ENDOV: variants seen among roughly 807,000 people sequenced by gnomAD.
ENDOV encodes the protein hEndoV.
ENDOV carries 37 observed loss-of-function variants against 39.4 expected under a neutral mutation model. That is an observed-to-expected ratio of 0.94 (90% confidence interval 0.72 to 1.23). ENDOV has a LOEUF of 1.23. Among genes scored for constraint, ENDOV ranks in the 50% most tolerant of loss-of-function variants. ENDOV has a pLI of 0.00. For missense variants in ENDOV, 441 were observed against 375.7 expected, an observed-to-expected ratio of 1.17 and a Z score of -1.44; for synonymous variants, 186 against 163.4, an observed-to-expected ratio of 1.14 and a Z score of -1.05.
chr17:80,430,474 C>T (rs1225918019), intron 9 of ENDOV: 16 of 978,472 alleles, frequency 1.6e-5, no homozygotes, highest in Non-Finnish European at 2.1e-5. Context: ...GCCCCAGCCA[C>T]ACTGAACCAC....
At chr17:80,432,369 C>T (rs962170183) in intron 9 of ENDOV, among the ~76,000 whole-genome samples, 3 of 152,090 alleles carry the variant, frequency 2.0e-5, no homozygotes, top group Non-Finnish European at 2.9e-5. Context: ...CAAGGATCTG[C>T]CTCCCAGCAC....
chr17:80,434,607 T>C (rs559490029), intron 9 of ENDOV, among the ~76,000 whole-genome samples: 4 of 152,300 alleles, frequency 2.6e-5, no homozygotes, highest in Admixed American at 2.6e-4. Flanking sequence ...CACCACTTGC[T>C]ATTATCTGCC....
intron 2 of ENDOV, chr17:80,419,580 G>A (rs949414151): frequency 1.3e-5 from 9 of 702,686 alleles, no homozygotes; most frequent in African/African-American, 5.2e-5. Flanking sequence ...GACTCCCATC[G>A]ATCAGTTCTG....
Position 80,415,171 on chromosome 17 carries a change from G to A in ENDOV, c.-24G>A, listed in dbSNP as rs761206954. 3.2e-5 allele frequency: 52 copies of A among 1,611,756 alleles called. No homozygotes were observed. The highest frequency in any genetic ancestry group is 1.3e-4 in the East Asian group (6 of 44,846). On this transcript the variant is annotated 5_prime_UTR_variant, in exon 1 of 10. Coordinates refer to ENST00000518137, the MANE Select transcript of ENDOV (RefSeq NM_173627.5). ...CGAGTCGCTTCCGGAAGTGACGTGC[G>A]GAAGGGGTGCCCGGGACGAAGCCAT...
intron 7 of ENDOV, 35 bp downstream of exon 7, chr17:80,425,655 G>C: frequency 1.3e-6 from 2 of 1,547,004 alleles, no homozygotes; most frequent in Non-Finnish European, 1.7e-6. Context: ...GGCAGCACAG[G>C]CTCCTCTGCT....
Position 80,436,391 on chromosome 17 carries a change from G to A in ENDOV, c.*248G>A. On this transcript the variant is annotated 3_prime_UTR_variant, in exon 10 of 10. Transcript: ENST00000518137. The stretch of plus-strand genomic sequence containing the variant: ...CGTTTGCAGTCTTTCACCACTAGAT[G>A]TGATGTGAGCTGTTAGATTTTCAAG... 2 of 1,426,414 alleles carry A rather than the reference G, an allele frequency of 1.4e-6. No homozygotes were observed. Among genetic ancestry groups the A allele is most frequent in the Non-Finnish European group, 1.9e-6 (2 of 1,078,328 alleles). The allele number at this position is 1,426,414 out of a possible 1,614,324, so 88.4% of individuals were successfully genotyped here. A position where few individuals can be genotyped will look rare whatever the true frequency, so the allele number is the denominator to read the frequency against.
At chr17:80,432,325 G>A (rs141459895) in intron 9 of ENDOV, among the ~76,000 whole-genome samples, 43 of 152,244 alleles carry the variant, frequency 2.8e-4, no homozygotes, top group African/African-American at 9.9e-4. Context: ...TCAGTGGTCG[G>A]AGGGAAGGGC....
At chr17:80,429,992 A>G (rs777951548) in intron 9 of ENDOV, 161 bp downstream of exon 9, 29 of 1,539,964 alleles carry the variant, frequency 1.9e-5, no homozygotes, top group Non-Finnish European at 2.6e-6. Flanking sequence ...GACACTGACC[A>G]CCCCTGGGGG....
intron 7 of ENDOV, chr17:80,427,972 A>C: frequency 7.9e-6 from 8 of 1,013,266 alleles, no homozygotes; most frequent in Non-Finnish European, 1.0e-5. Flanking sequence ...ATCTAAGCTC[A>C]TCTGAGCTGG....
chr17:80,424,683 C>T (rs1428117605), intron 5 of ENDOV, among the ~76,000 whole-genome samples: 1 of 152,320 alleles, frequency 6.6e-6, no homozygotes, highest in East Asian at 1.9e-4. Context: ...GGGCCGGTTG[C>T]GGTGGCTCAC....
chr17:80,426,813 C>T lies in ENDOV; in HGVS notation c.714+1193C>T, dbSNP rs542892960. ...GGCTGTGAGTTGGCAGCGGGGCGCC[C>T]GCAGATTGGCCTTTTTAGGTGGCCG... On this transcript the variant is annotated intron_variant, in intron 7 of 9. Coordinates refer to ENST00000518137, the MANE Select transcript of ENDOV (RefSeq NM_173627.5). Among the ~76,000 whole-genome samples the T allele has an allele frequency of 2.1e-4, 32 of 152,326 alleles. No individual in the cohort carries two copies. The South Asian group carries it at 5.4e-3, about 26-fold the overall frequency.
rs1227305536 is a variant in ENDOV, at chr17:80,427,730, G to T, written c.715-866G>T. 4 of 1,289,302 alleles carry T rather than the reference G, an allele frequency of 3.1e-6. No individual in the cohort carries two copies. The East Asian group carries it at 1.7e-4, about 54-fold the overall frequency. The allele number at this position is 1,289,302 out of a possible 1,614,324, so 79.9% of individuals were successfully genotyped here. A position where few individuals can be genotyped will look rare whatever the true frequency, so the allele number is the denominator to read the frequency against. ...GCACAGACGGGGTTAGTGTTGGTCT[G>T]CTCTCTCCCTGGCTCCGCGCCGGGC... On this transcript the variant is annotated intron_variant, in intron 7 of 9. Coordinates refer to ENST00000518137, the MANE Select transcript of ENDOV (RefSeq NM_173627.5).
At chr17:80,431,884 GGA>G (rs1329357904) in intron 9 of ENDOV, among the ~76,000 whole-genome samples, 1 of 152,226 alleles carries the variant, frequency 6.6e-6, no homozygotes, top group Non-Finnish European at 1.5e-5. Flanking sequence ...GCCAGTGTGG[GGA>G]GAGTGTCCCC....
At position 80,428,673 on chromosome 17, in the gene ENDOV, G is replaced by A. The variant is rs768942415; in HGVS notation, c.779+13G>A. 3.2e-6 allele frequency: 5 copies of A among 1,569,140 alleles called. No homozygotes were observed. Among genetic ancestry groups the A allele is most frequent in the Non-Finnish European group, 3.5e-6 (4 of 1,157,376 alleles). On this transcript the variant is annotated intron_variant, in intron 8 of 9. Coordinates refer to ENST00000518137, the MANE Select transcript of ENDOV (RefSeq NM_173627.5). ...CACCCACACCGAGGTGAGCACCCAG[G>A]GAGGCTGGGGCACTAAAGGGGCATC... is the stretch of plus-strand genomic sequence containing the variant.
At chr17:80,423,697 C>T (rs2082340973) in intron 5 of ENDOV, 65 bp downstream of exon 5, 6 of 1,452,308 alleles carry the variant, frequency 4.1e-6, no homozygotes, top group Non-Finnish European at 5.6e-6. Context: ...TGGCCCTGGG[C>T]ATGAGGACAC....
At chr17:80,421,741 G>A in intron 2 of ENDOV, 87 bp from the exon 3 acceptor site, 1 of 1,503,886 alleles carries the variant, frequency 6.6e-7, no homozygotes. Flanking sequence ...GAGAGGGAAG[G>A]ATGAGGGGGG....
At chr17:80,424,863 GAGA>G (rs1488648171) in intron 5 of ENDOV, among the ~76,000 whole-genome samples, 166 bp from the exon 6 acceptor site, 1 of 152,320 alleles carries the variant, frequency 6.6e-6, no homozygotes, top group East Asian at 1.9e-4. Flanking sequence ...GCTGAGGTGG[GAGA>G]ATCGCTTGAA....
In ENDOV at chr17:80,423,637, G is replaced by A. The variant is rs926858333; in HGVS notation, c.516+5G>A. ...AACGCCCTGCACAAGGAGAAGGTGA[G>A]GAGGGGCCTGCTGCAGGCCATGCCC... On this transcript the variant is annotated splice_donor_5th_base_variant and intron_variant, in intron 5 of 9. Transcript: ENST00000518137. 3.9e-6 allele frequency: 6 copies of A among 1,549,390 alleles called. No homozygotes were observed. In the African/African-American group the frequency reaches 8.2e-5, roughly 21 times the overall value.
In ENDOV at chr17:80,415,737, C is replaced by CG; in HGVS notation, c.149dup (p.Val51ArgfsTer2). The CG allele has an allele frequency of 6.2e-7, 1 of 1,607,844 alleles. No individual in the cohort carries two copies. Among genetic ancestry groups the CG allele is most frequent in the Non-Finnish European group, 8.5e-7 (1 of 1,177,318 alleles). On this transcript the variant is annotated frameshift_variant, in exon 2 of 10. Coordinates refer to ENST00000518137, the MANE Select transcript of ENDOV (RefSeq NM_173627.5). LOFTEE classifies it high-confidence loss of function. ...CCGCCTTCTCGGGTCTGCAGAGGGT[C>CG]GGGGGCGTTGACGTGTCCTTCGTGA...
Sources: gnomAD v4.1 joint callset for allele counts (sites outside exome capture counted in the v4.1 genomes callset) on GRCh38, gnomAD v4.1.1 for gene constraint, MANE v1.5 for transcripts, NCBI Gene and HGNC (gene_info 2026-07-23, HGNC 2026-07-21) for gene names.